Variants in ZNF385D observed in about 807,000 individuals in gnomAD.
ZNF385D encodes zinc finger protein 385D.
ZNF385D carries 15 observed loss-of-function variants against 35.8 expected under a neutral mutation model. The observed-to-expected ratio is 0.42, with a 90% CI of 0.28 to 0.64. The LOEUF is 0.64. Ranked by LOEUF, ZNF385D falls within the 30% of genes least tolerant of loss-of-function variation. The pLI is 0.23. For missense variants in ZNF385D, 474 were observed against 494.6 expected (o/e 0.96, Z 0.39); for synonymous variants, 212 against 186.8 (o/e 1.13, Z -1.10).
chr3:21,777,481 G>C (rs960281023), intron 3 of ZNF385D: 1 of 152,016 alleles, frequency 6.6e-6, no homozygotes, highest in South Asian at 2.1e-4. Flanking sequence ...TCTGAATGCA[G>C]CCTATTCTCT....
intron 2 of ZNF385D, among the ~76,000 whole-genome samples, chr3:22,276,062 G>GT (rs1400561238): frequency 6.6e-6 from 1 of 152,126 alleles, no homozygotes; most frequent in Admixed American, 6.6e-5. Context: ...TCCAGCCTGG[G>GT]TGACAGAGTG....
chr3:21,424,689 C>CTTT (rs58781852), intron 6 of ZNF385D, among the ~76,000 whole-genome samples: 2,705 of 125,098 alleles, frequency 0.022, 94 homozygotes, highest in South Asian at 0.056. Flanking sequence ...ACACACATCT[C>CTTT]TTTTTTTTTT....
chr3:21,740,554 T>C (rs1054559902), intron 1 of ZNF385D, among the ~76,000 whole-genome samples: 1 of 152,096 alleles, frequency 6.6e-6, no homozygotes, highest in Admixed American at 6.6e-5. Flanking sequence ...AAAGGAAGGG[T>C]TCCCAGCCAT....
intron 2 of ZNF385D, among the ~76,000 whole-genome samples, chr3:22,322,203 C>G (rs886997964): frequency 6.6e-6 from 1 of 151,664 alleles, no homozygotes; most frequent in Non-Finnish European, 1.5e-5. Flanking sequence ...ATTTTACTCT[C>G]TTCTTCATCT....
chr3:21,846,151 T>C (rs1018246906), intron 3 of ZNF385D, among the ~76,000 whole-genome samples: 2 of 152,024 alleles, frequency 1.3e-5, no homozygotes, highest in African/African-American at 4.8e-5. Flanking sequence ...GAAAGATGTC[T>C]TAGATATAAC....
intron 2 of ZNF385D, among the ~76,000 whole-genome samples, chr3:22,173,505 G>T (rs946906256): frequency 2.0e-5 from 3 of 152,102 alleles, no homozygotes; most frequent in Non-Finnish European, 4.4e-5. Context: ...TTGGAAAATA[G>T]AGCAGAGACC....
chr3:21,973,075 G>C (rs1049173516), intron 3 of ZNF385D, among the ~76,000 whole-genome samples: 1 of 151,734 alleles, frequency 6.6e-6, no homozygotes, highest in East Asian at 1.9e-4. Context: ...ATGAGATCAG[G>C]ATTACACTGA....
At chr3:22,069,262 T>G (rs1399017315) in intron 3 of ZNF385D, among the ~76,000 whole-genome samples, 1 of 152,190 alleles carries the variant, frequency 6.6e-6, no homozygotes, top group East Asian at 1.9e-4. Flanking sequence ...GGATAATCTC[T>G]TGGAACTGGC....
At chr3:21,762,751 C>T (rs1049004281) in intron 3 of ZNF385D, among the ~76,000 whole-genome samples, 1 of 152,156 alleles carries the variant, frequency 6.6e-6, no homozygotes, top group Admixed American at 6.5e-5. Context: ...CTGTGGAGAG[C>T]TGCCTTGTCA....
chr3:21,644,323 A>T (rs1217104948), intron 2 of ZNF385D, among the ~76,000 whole-genome samples: 1 of 152,190 alleles, frequency 6.6e-6, no homozygotes, highest in Non-Finnish European at 1.5e-5. Context: ...GCTCAGGGTC[A>T]CAGGTGGCCA....
chr3:22,077,048 A>G (rs1038799058), intron 3 of ZNF385D, among the ~76,000 whole-genome samples: 1 of 151,978 alleles, frequency 6.6e-6, no homozygotes. Flanking sequence ...TTATTTTCAG[A>G]AATAGCACAA....
At chr3:22,360,492 A>G (rs1302116324) in intron 2 of ZNF385D, among the ~76,000 whole-genome samples, 2 of 151,830 alleles carry the variant, frequency 1.3e-5, no homozygotes, top group African/African-American at 4.8e-5. Flanking sequence ...TTTTCTATAT[A>G]CTCGAGGATA....
At chr3:22,261,861 C>T (rs1175054897) in intron 2 of ZNF385D, among the ~76,000 whole-genome samples, 2 of 151,950 alleles carry the variant, frequency 1.3e-5, no homozygotes, top group African/African-American at 4.8e-5. Flanking sequence ...GATAATGACT[C>T]CCTGTGATTC....
intron 3 of ZNF385D, among the ~76,000 whole-genome samples, chr3:22,007,300 C>T (rs1696269666): frequency 6.6e-6 from 1 of 152,150 alleles, no homozygotes; most frequent in Non-Finnish European, 1.5e-5. Flanking sequence ...GAAATCAATT[C>T]ATAAGTGTTC....
chr3:22,268,201 T>G (rs918624086), intron 2 of ZNF385D, among the ~76,000 whole-genome samples: 3 of 151,968 alleles, frequency 2.0e-5, no homozygotes, highest in African/African-American at 7.2e-5. Context: ...CCAACATAAG[T>G]GTCACTCTGA....
intron 3 of ZNF385D, among the ~76,000 whole-genome samples, chr3:21,796,749 G>A (rs2072170625): frequency 6.6e-6 from 1 of 152,170 alleles, no homozygotes; most frequent in Non-Finnish European, 1.5e-5. Context: ...GGCTCAAAGA[G>A]TGACTTACTC....
chr3:21,717,682 G>A (rs934512877), intron 1 of ZNF385D, among the ~76,000 whole-genome samples: 13 of 152,156 alleles, frequency 8.5e-5, no homozygotes, highest in African/African-American at 3.1e-4. Flanking sequence ...TCTTGTGGTA[G>A]TGAATAAGTC....
chr3:21,952,777 AAT>A (rs1300421753), intron 3 of ZNF385D, among the ~76,000 whole-genome samples: 1 of 151,878 alleles, frequency 6.6e-6, no homozygotes, highest in Non-Finnish European at 1.5e-5. Flanking sequence ...ACTGCTACTT[AAT>A]ATATTTTATG....
At chr3:22,180,065 G>C (rs933784909) in intron 2 of ZNF385D, among the ~76,000 whole-genome samples, 22 of 151,932 alleles carry the variant, frequency 1.4e-4, no homozygotes, top group Non-Finnish European at 2.9e-4. Flanking sequence ...AGAAAAGAGA[G>C]AATAATCAAA....
Sources: allele counts gnomAD v4.1 joint callset (sites outside exome capture counted in the v4.1 genomes callset), GRCh38; gene constraint gnomAD v4.1.1; transcripts MANE v1.5; gene names NCBI Gene and HGNC (gene_info 2026-07-23, HGNC 2026-07-21).